The following HGD variants were observed in gnomAD, a reference collection of about 807,000 sequenced individuals.
HGD encodes homogentisate 1,2-dioxygenase.
In HGD, 61 loss-of-function variants were observed where a neutral mutation model predicts 60.8. That is an observed-to-expected ratio of 1.00 (90% CI 0.82 to 1.24). The LOEUF is 1.24. Ranked by LOEUF, HGD falls within the 50% of genes most tolerant of loss-of-function variation. The pLI, the probability that HGD is intolerant of heterozygous loss-of-function variation, is 0.00. For synonymous variants in HGD, 212 were observed against 187.7 expected, an observed-to-expected ratio of 1.13 and a Z score of -1.06; for missense variants, 542 against 547.1, an observed-to-expected ratio of 0.99 and a Z score of 0.09.
chr3:120,639,668 C>G (rs1177682687), intron 11 of HGD, among the ~76,000 whole-genome samples: 30 of 152,126 alleles, frequency 2.0e-4, no homozygotes, highest in African/African-American at 7.2e-4. Flanking sequence ...AAAGCAAAAT[C>G]CAAGTTTTGG....
intron 4 of HGD, among the ~76,000 whole-genome samples, chr3:120,664,065 T>TGGA (rs1015008722): frequency 1.1e-4 from 17 of 152,180 alleles, no homozygotes; most frequent in Non-Finnish European, 2.5e-4. Context: ...AGTATTGCCA[T>TGGA]GGAGGTCACT....
intron 4 of HGD, among the ~76,000 whole-genome samples, chr3:120,669,924 C>A (rs113064634): frequency 6.6e-6 from 1 of 152,116 alleles, no homozygotes; most frequent in Non-Finnish European, 1.5e-5. Flanking sequence ...TTGTCTGTGT[C>A]TCACCCAAAT....
At chr3:120,663,605 GT>G (rs1325815004) in intron 4 of HGD, among the ~76,000 whole-genome samples, 1 of 152,146 alleles carries the variant, frequency 6.6e-6, no homozygotes, top group Non-Finnish European at 1.5e-5. Flanking sequence ...TATTTTGCAG[GT>G]TTGGGAATCA....
At chr3:120,652,354 A>G (rs1289871325) in intron 5 of HGD, among the ~76,000 whole-genome samples, 1 of 152,184 alleles carries the variant, frequency 6.6e-6, no homozygotes, top group Non-Finnish European at 1.5e-5. Context: ...AAAATGTTCA[A>G]TTGTCATTGG....
rs980518089 is a variant in HGD, at chr3:120,670,615, G to C, written c.177-83C>G. 15 of 825,586 alleles carry C rather than the reference G, an allele frequency of 1.8e-5. No individual in the cohort carries two copies. In the Admixed American group the frequency reaches 2.6e-4, roughly 14 times the overall value. The allele number at this position is 825,586 out of a possible 1,614,324, so 51.1% of individuals were successfully genotyped here. ...CAGAATGGCTCAGGCAGTACCATCA[G>C]GAAGACACTCAAGTCAACAACGACC... On this transcript the variant is annotated intron_variant, in intron 3 of 13. Coordinates refer to ENST00000283871, the MANE Select transcript of HGD (RefSeq NM_000187.4).
At chr3:120,650,217 T>C (rs1226014366) in intron 6 of HGD, among the ~76,000 whole-genome samples, 1 of 152,250 alleles carries the variant, frequency 6.6e-6, no homozygotes, top group Non-Finnish European at 1.5e-5. Context: ...TTTTCTTTTC[T>C]GCCTGCTTTA....
At chr3:120,659,114 T>C (rs80347748) in intron 4 of HGD, among the ~76,000 whole-genome samples, 33,227 of 152,292 alleles carry the variant, frequency 0.22, 4,523 homozygotes, top group East Asian at 0.62. Flanking sequence ...TTTATGCAAA[T>C]TTCTGCAGCC....
In HGD at chr3:120,633,361, T is replaced by C. The variant is rs375688145; in HGVS notation, c.1007-33A>G. ...GGTTGAAGCAGTATTATTTTTATTA[T>C]CCAAGGCAAGACCAGTAAAACACAA... On this transcript the variant is annotated intron_variant, in intron 12 of 13. Coordinates refer to ENST00000283871, the MANE Select transcript of HGD (RefSeq NM_000187.4). 7.4e-6 allele frequency: 12 copies of C among 1,613,942 alleles called. No individual in the cohort carries two copies. The African/African-American group carries it at 1.1e-4, about 14-fold the overall frequency.
intron 4 of HGD, among the ~76,000 whole-genome samples, chr3:120,654,249 A>G (rs1941427877): frequency 6.6e-6 from 1 of 152,196 alleles, no homozygotes; most frequent in Middle Eastern, 3.2e-3. Flanking sequence ...GGATTTAAGT[A>G]TCAGATCAAT....
chr3:120,670,476 T>C lies in HGD; in HGVS notation c.233A>G (p.Glu78Gly), dbSNP rs1213538151. Residue 78 changes from glutamate (E) to glycine (G), a missense_variant, in exon 4 of 14, where the codon GAA (glutamate) becomes GGA (glycine). Glu to Gly is a moderately conservative substitution (Grantham distance 98). Transcript: ENST00000283871. ...ATCCCAGTTGTGAGTGACTTGGCCT[T>C]CGTCAATGGATTCAAAGGGCTTGTG... ...VSHKPFESID[E>G]GQVTHNWDEV... 1.2e-6 allele frequency: 2 copies of C among 1,611,574 alleles called. No homozygotes were observed. The highest frequency in any genetic ancestry group is 1.7e-5 in the Admixed American group (1 of 59,960).
At chr3:120,666,199 G>A (rs1053203133) in intron 4 of HGD, among the ~76,000 whole-genome samples, 12 of 152,180 alleles carry the variant, frequency 7.9e-5, no homozygotes, top group Admixed American at 2.6e-4. Context: ...CAGAGACACT[G>A]AGACGCTATT....
At chr3:120,659,766 G>T (rs1035937814) in intron 4 of HGD, among the ~76,000 whole-genome samples, 10 of 152,144 alleles carry the variant, frequency 6.6e-5, no homozygotes, top group African/African-American at 2.4e-4. Context: ...TATAAACAAA[G>T]ACCTAAGATT....
chr3:120,675,727 G>A, intron 2 of HGD, 65 bp downstream of exon 2: 1 of 1,285,124 alleles, frequency 7.8e-7, no homozygotes, highest in Non-Finnish European at 1.1e-6. Flanking sequence ...GAGGCACTTT[G>A]GCCTGAAAGC....
At chr3:120,675,684 T>C (rs1353693406) in intron 2 of HGD, 108 bp downstream of exon 2, 1 of 819,316 alleles carries the variant, frequency 1.2e-6, no homozygotes, top group East Asian at 2.4e-5. Context: ...TCTAGACAGT[T>C]CACAGGCTAG....
intron 5 of HGD, among the ~76,000 whole-genome samples, chr3:120,651,546 A>T (rs1053629629): frequency 7.9e-5 from 12 of 152,318 alleles, no homozygotes; most frequent in Admixed American, 3.9e-4. Context: ...CTCAATTTGT[A>T]AGTTTAGGGT....
intron 7 of HGD, among the ~76,000 whole-genome samples, chr3:120,647,471 A>C (rs908040864): frequency 6.6e-6 from 1 of 152,266 alleles, no homozygotes; most frequent in Non-Finnish European, 1.5e-5. Flanking sequence ...AATCTCTGAT[A>C]GACTTTACAT....
chr3:120,643,393 G>A (rs1941052707), intron 10 of HGD, among the ~76,000 whole-genome samples: 1 of 152,152 alleles, frequency 6.6e-6, no homozygotes, highest in African/African-American at 2.4e-5. Flanking sequence ...CAAACTGCTG[G>A]GATTACAGGC....
chr3:120,677,418 G>A (rs2107560371), intron 1 of HGD, among the ~76,000 whole-genome samples: 1 of 152,228 alleles, frequency 6.6e-6, no homozygotes, highest in East Asian at 1.9e-4. Flanking sequence ...CCCCCTCCAG[G>A]TGCGCCTGTC....
At chr3:120,641,758 A>G in intron 10 of HGD, 65 bp from the exon 11 acceptor site, 2 of 986,174 alleles carry the variant, frequency 2.0e-6, no homozygotes, top group Non-Finnish European at 3.3e-6. Context: ...TGATCCCACA[A>G]TATGTACTGA....
Sources: gnomAD v4.1 joint callset for allele counts (sites outside exome capture counted in the v4.1 genomes callset) on GRCh38, gnomAD v4.1.1 for gene constraint, MANE v1.5 for transcripts, NCBI Gene and HGNC (gene_info 2026-07-23, HGNC 2026-07-21) for gene names.